Variants in SLC22A23 observed in about 807,000 individuals in gnomAD.
SLC22A23 encodes solute carrier family 22 member 23, also known as ion transporter protein.
In SLC22A23, 26 loss-of-function variants were observed where a neutral mutation model predicts 61.0. That is an observed-to-expected ratio of 0.43 (90% CI 0.31 to 0.59). The LOEUF (loss-of-function observed/expected upper bound fraction) is 0.59, where lower values mean the gene tolerates loss of function less well. Among genes scored for constraint, SLC22A23 ranks in the 20% least tolerant of loss-of-function variants. The pLI is 0.11. For synonymous variants in SLC22A23, 430 were observed against 413.9 expected, an observed-to-expected ratio of 1.04 and a Z score of -0.47; for missense variants, 796 against 934.7, an observed-to-expected ratio of 0.85 and a Z score of 1.94.
At position 3,456,534 on chromosome 6, in the gene SLC22A23, G is replaced by C. The variant is rs1772419886; in HGVS notation, c.26C>G (p.Ala9Gly). MAIDRRRE[A>G]AGGGPGRQPA... ...CTGCCGCCCAGGCCCGCCGCCCGCC[G>C]CCTCGCGCCGCCGGTCTATGGCCAT... Residue 9 changes from alanine to glycine, a missense_variant, in exon 1 of 10, where the codon GCG becomes GGG. Coordinates refer to ENST00000406686, the MANE Select transcript of SLC22A23 (RefSeq NM_015482.2). This position sits in a 1 kb window ranked among gnomAD's most constrained non-coding sequence, Gnocchi z 7.1. 1 of 986,086 alleles carries C rather than the reference G, an allele frequency of 1.0e-6. No homozygotes were observed. The highest frequency in any genetic ancestry group is 1.1e-4 in the East Asian group (1 of 8,862). 61.1% of individuals were successfully genotyped at this position (986,086 alleles called of 1,614,324 possible).
intron 3 of SLC22A23, among the ~76,000 whole-genome samples, chr6:3,377,213 C>T (rs11757896): frequency 6.6e-6 from 1 of 152,144 alleles, no homozygotes; most frequent in Non-Finnish European, 1.5e-5. Context: ...AACATATGGC[C>T]TGCAAAGCCC....
intron 4 of SLC22A23, among the ~76,000 whole-genome samples, chr6:3,321,149 C>CA (rs1279099626): frequency 2.6e-5 from 4 of 152,170 alleles, no homozygotes; most frequent in Non-Finnish European, 5.9e-5. Context: ...ACTGCCCCTC[C>CA]ATGCATATGT....
At chr6:3,292,187 C>T (rs372889030) in intron 5 of SLC22A23, among the ~76,000 whole-genome samples, 12 of 152,184 alleles carry the variant, frequency 7.9e-5, no homozygotes, top group South Asian at 2.1e-4. Context: ...ATGAAGCTTC[C>T]GCAGCATTAT....
chr6:3,400,213 G>C (rs1768289313), intron 3 of SLC22A23, among the ~76,000 whole-genome samples: 1 of 152,206 alleles, frequency 6.6e-6, no homozygotes, highest in Non-Finnish European at 1.5e-5. Flanking sequence ...TAAAAGCTCT[G>C]AATGGATGCT....
At chr6:3,432,459 C>G in intron 1 of SLC22A23, 7 of 935,562 alleles carry the variant, frequency 7.5e-6, no homozygotes, top group Non-Finnish European at 8.9e-6. Context: ...ACTGTAAAAC[C>G]AGGCAGAGGG....
chr6:3,374,724 G>T (rs1952432), intron 3 of SLC22A23, among the ~76,000 whole-genome samples: 78,997 of 151,542 alleles, frequency 0.52, 21,228 homozygotes, highest in African/African-American at 0.64. Flanking sequence ...GCAGAGCAAG[G>T]AGCTGACAAG....
intron 3 of SLC22A23, among the ~76,000 whole-genome samples, chr6:3,391,246 T>C (rs1767643090): frequency 1.3e-5 from 2 of 152,260 alleles, no homozygotes; most frequent in African/African-American, 2.4e-5. Flanking sequence ...TTCTTGCTGA[T>C]ATCAATTCAT....
intron 3 of SLC22A23, among the ~76,000 whole-genome samples, chr6:3,346,237 G>A (rs1006895730): frequency 1.3e-5 from 2 of 152,126 alleles, no homozygotes; most frequent in East Asian, 1.9e-4. Flanking sequence ...CCAGCTCAAC[G>A]TCTCTGCTGA....
At chr6:3,361,774 C>T (rs1187022206) in intron 3 of SLC22A23, among the ~76,000 whole-genome samples, 1 of 152,232 alleles carries the variant, frequency 6.6e-6, no homozygotes, top group Non-Finnish European at 1.5e-5. Context: ...CAAGAAGAAA[C>T]ATGAGGCCAT....
At chr6:3,438,571 A>G (rs1290437054) in intron 1 of SLC22A23, 1 of 452,888 alleles carries the variant, frequency 2.2e-6, no homozygotes, top group Admixed American at 2.4e-5. Context: ...AAACCACCGT[A>G]ATAGGAATTA....
Position 3,345,363 on chromosome 6 carries a change from CTTTTTTT to C in SLC22A23, c.914-21368_914-21362del, listed in dbSNP as rs1163840651. ...AGTACCAGTAGTTTATATCTCTTTT[CTTTTTTT>C]TTTTTTTTTTTTGAGACAGAGTCTT... On this transcript the variant is annotated intron_variant, in intron 3 of 9. Transcript: ENST00000406686. Among the ~76,000 whole-genome samples, 3 of 124,762 alleles carry C rather than the reference CTTTTTTT, an allele frequency of 2.4e-5. No individual in the cohort carries two copies. The Admixed American group carries it at 2.5e-4, about 10-fold the overall frequency. The allele number at this position is 124,762 out of a possible 152,430, so 81.8% of individuals were successfully genotyped here. A position where few individuals can be genotyped will look rare whatever the true frequency, so the allele number is the denominator to read the frequency against.
At chr6:3,273,959 G>T (rs181478768) in intron 9 of SLC22A23, among the ~76,000 whole-genome samples, 252 of 152,288 alleles carry the variant, frequency 1.7e-3, no homozygotes, top group Non-Finnish European at 3.0e-3. Context: ...GATGGCCCAC[G>T]TGTCTCCTGA....
chr6:3,283,139 A>G (rs1207541720), intron 9 of SLC22A23, among the ~76,000 whole-genome samples: 4 of 152,178 alleles, frequency 2.6e-5, no homozygotes, highest in African/African-American at 4.8e-5. Context: ...AGTATGAAAT[A>G]AGGCTCTTTT....
rs550826564 is a variant in SLC22A23 at position 3,284,237 on chromosome 6, C to T, written c.1580-262G>A. On this transcript the variant is annotated intron_variant, in intron 8 of 9. Coordinates refer to ENST00000406686, the MANE Select transcript of SLC22A23 (RefSeq NM_015482.2). ...GTGGCCTCTATTGGAATTCCTCAGC[C>T]GGGAGCCATGCCTGGTGGGAGGGCA... 14 of 359,194 alleles carry T rather than the reference C, an allele frequency of 3.9e-5. No individual in the cohort carries two copies. The East Asian group carries it at 5.7e-4, about 15-fold the overall frequency. 22.3% of individuals were successfully genotyped at this position (359,194 alleles called of 1,614,324 possible). A position where few individuals can be genotyped will look rare whatever the true frequency, so the allele number is the denominator to read the frequency against.
intron 9 of SLC22A23, among the ~76,000 whole-genome samples, chr6:3,279,509 C>CCAAAAAAAAAAAAAAAA (rs1759228993): frequency 2.8e-5 from 1 of 36,016 alleles, no homozygotes; most frequent in East Asian, 1.4e-3. Context: ...GGCTCCGTCT[C>CCAAAAAAAAAAAAAAAA]AAAAAAAAAA....
intron 4 of SLC22A23, 149 bp from the exon 5 acceptor site, chr6:3,298,367 G>C: frequency 1.2e-6 from 1 of 858,448 alleles, no homozygotes; most frequent in South Asian, 2.1e-5. Flanking sequence ...TAAAACTGTG[G>C]GCACTGAAAC....
intron 3 of SLC22A23, among the ~76,000 whole-genome samples, chr6:3,376,407 G>A (rs916453913): frequency 2.0e-5 from 3 of 151,780 alleles, no homozygotes; most frequent in South Asian, 2.1e-4. Flanking sequence ...CCCTCACCTC[G>A]CACCTTCCCT....
At chr6:3,320,010 A>G (rs543558019) in intron 4 of SLC22A23, among the ~76,000 whole-genome samples, 78 of 152,262 alleles carry the variant, frequency 5.1e-4, no homozygotes, top group African/African-American at 1.8e-3. Context: ...TCCTGTGGCC[A>G]TTGACAGTTT....
intron 1 of SLC22A23, among the ~76,000 whole-genome samples, chr6:3,421,350 C>T (rs1422121743): frequency 6.6e-6 from 1 of 152,124 alleles, no homozygotes; most frequent in Non-Finnish European, 1.5e-5. Context: ...CAGAGACACC[C>T]ACAGAGGTCT....
Sources: allele counts gnomAD v4.1 joint callset (sites outside exome capture counted in the v4.1 genomes callset), GRCh38; gene constraint gnomAD v4.1.1; non-coding constraint Gnocchi (gnomAD v3.1); transcripts MANE v1.5; gene names NCBI Gene and HGNC (gene_info 2026-07-23, HGNC 2026-07-21).